The following ABCF1 variants were observed in gnomAD, a reference collection of about 807,000 sequenced individuals.
The protein encoded by ABCF1 is ATP-binding cassette sub-family F member 1.
Under a neutral mutation model 126.3 loss-of-function variants are expected in ABCF1, and 73 were observed. The observed-to-expected ratio is 0.58, with a 90% CI of 0.48 to 0.70. The LOEUF (loss-of-function observed/expected upper bound fraction) is 0.70. ABCF1 is among the 30% of genes least tolerant of loss of function. The pLI is 0.00. For missense variants in ABCF1, 786 were observed against 1,057.5 expected (o/e 0.74, Z 3.56); for synonymous variants, 345 against 396.4 (o/e 0.87, Z 1.54).
chr6:30,588,826 C>G (rs1802289041), intron 20 of ABCF1, among the ~76,000 whole-genome samples: 1 of 152,100 alleles, frequency 6.6e-6, no homozygotes, highest in Non-Finnish European at 1.5e-5. Context: ...ACTAAACTTG[C>G]CACATGAGGC....
chr6:30,589,214 G>T (rs1219911054), intron 20 of ABCF1, among the ~76,000 whole-genome samples: 2 of 151,974 alleles, frequency 1.3e-5, no homozygotes. Context: ...GGCCAGCCTG[G>T]TCTCAAACTC....
intron 20 of ABCF1, among the ~76,000 whole-genome samples, chr6:30,588,256 T>C (rs922375107): frequency 9.2e-5 from 14 of 152,146 alleles, no homozygotes; most frequent in African/African-American, 3.4e-4. Context: ...TCTTTGCAAA[T>C]GTGCATATAA....
chr6:30,586,857 TA>T lies in ABCF1; in HGVS notation c.2031+147del, dbSNP rs1458576048. On this transcript the variant is annotated intron_variant, in intron 20 of 24. Coordinates refer to ENST00000326195, the MANE Select transcript of ABCF1 (RefSeq NM_001025091.2). The surrounding 1 kb of genome is among the most constrained non-coding windows in gnomAD (Gnocchi z 4.9). ...TGATTCATTTCCCTAAGAGGGGCAGTAGAGGAGGAAAGAGCTTAGATCAGTT... is the reference window on the plus strand; with the variant it reads ...TGATTCATTTCCCTAAGAGGGGCAGTGAGGAGGAAAGAGCTTAGATCAGTT... The T allele has an allele frequency of 6.6e-6, 6 of 914,630 alleles. No homozygotes were observed. Among genetic ancestry groups the T allele is most frequent in the Non-Finnish European group, 1.0e-5 (6 of 595,642 alleles). The allele number at this position is 914,630 out of a possible 1,614,324, so 56.7% of individuals were successfully genotyped here. A position where few individuals can be genotyped will look rare whatever the true frequency, so the allele number is the denominator to read the frequency against.
chr6:30,585,198 TG>T, intron 14 of ABCF1, 61 bp from the exon 15 acceptor site: 1 of 1,449,944 alleles, frequency 6.9e-7, no homozygotes, highest in Non-Finnish European at 9.7e-7. Context: ...GAGTTTTCTC[TG>T]GGGTTGTCTG....
intron 9 of ABCF1, 75 bp downstream of exon 9, chr6:30,582,582 C>G (rs1249822433): frequency 6.7e-7 from 1 of 1,500,350 alleles, no homozygotes; most frequent in African/African-American, 1.4e-5. Flanking sequence ...CGATTGGGGA[C>G]ACGAAGGAAA....
At chr6:30,577,382 A>G (rs757837222) in intron 1 of ABCF1, 27 bp from the exon 2 acceptor site, 1 of 1,613,336 alleles carries the variant, frequency 6.2e-7, no homozygotes, top group Non-Finnish European at 8.5e-7. Flanking sequence ...GCAGATAAGC[A>G]TTCACGATGT....
At position 30,585,936 on chromosome 6, in the gene ABCF1, A is replaced by C. The variant is rs895886164; in HGVS notation, c.1658A>C (p.Lys553Thr). Reference sequence around the variant, plus strand: ...AAAGAACTGCTGAAACAGTATGAGAAGCAAGAGAAAAAGCTGAAGGAGCTG... The same window carrying C: ...AAAGAACTGCTGAAACAGTATGAGACGCAAGAGAAAAAGCTGAAGGAGCTG... ...KQKELLKQYE[K>T]QEKKLKELKA... is the part of the protein sequence containing the mutation. The change falls in exon 17 of 25, where the codon AAG becomes ACG. Residue 553 changes from lysine (K) to threonine (T), a missense_variant. Transcript: ENST00000326195. 1 of 1,611,240 alleles carries C rather than the reference A, an allele frequency of 6.2e-7. No homozygotes were observed.
chr6:30,572,800 C>G (rs748156617), intron 1 of ABCF1, among the ~76,000 whole-genome samples: 2 of 152,196 alleles, frequency 1.3e-5, no homozygotes, highest in African/African-American at 4.8e-5. Flanking sequence ...TACATCTGCT[C>G]CCCAGAGTTT....
rs763814425 is a variant in ABCF1 at position 30,586,449 on chromosome 6, A to C, written c.1886-25A>C. On this transcript the variant is annotated intron_variant, in intron 18 of 24. Transcript: ENST00000326195. This position sits in a 1 kb window ranked among gnomAD's most constrained non-coding sequence, Gnocchi z 4.9. ...CTTTGCAGGGACTGAAAAGAATATA[A>C]ATTGCTTCTTTTCGTGGCTTTCAGG... 1 of 1,612,850 alleles carries C rather than the reference A, an allele frequency of 6.2e-7. No homozygotes were observed. The highest frequency in any genetic ancestry group is 1.1e-5 in the South Asian group (1 of 91,056).
At chr6:30,571,592 G>A (rs753457440) in intron 1 of ABCF1, 32 bp downstream of exon 1, 11 of 1,598,220 alleles carry the variant, frequency 6.9e-6, no homozygotes, top group Admixed American at 3.5e-5. Flanking sequence ...GAAACGAGCA[G>A]AGGGGGAAGA....
In ABCF1 at chr6:30,586,823, C is replaced by G. The variant is rs1802161750; in HGVS notation, c.2031+112C>G. On this transcript the variant is annotated intron_variant, in intron 20 of 24. Coordinates refer to ENST00000326195, the MANE Select transcript of ABCF1 (RefSeq NM_001025091.2). This position sits in a 1 kb window ranked among gnomAD's most constrained non-coding sequence, Gnocchi z 4.9. ...AGAATGTAGAGTTAAATACAGAACTCATGATAGATGATTCATTTCCCTAAG... is the reference window on the plus strand; with the variant it reads ...AGAATGTAGAGTTAAATACAGAACTGATGATAGATGATTCATTTCCCTAAG... 1 of 1,161,084 alleles carries G rather than the reference C, an allele frequency of 8.6e-7. No homozygotes were observed. 71.9% of individuals were successfully genotyped at this position (1,161,084 alleles called of 1,614,324 possible).
chr6:30,578,113 A>C lies in ABCF1; in HGVS notation c.254A>C (p.Lys85Thr), dbSNP rs769686782. The stretch of plus-strand genomic sequence containing the variant: ...CGAGATACCCGAAAAGGCAGGCGGA[A>C]GAAGGATGTGGATGATGATGGAGAA... ...KKRDTRKGRR[K>T]KDVDDDGEEK... The change falls in exon 4 of 25, where the codon AAG (lysine) becomes ACG (threonine). Residue 85 changes from lysine (K) to threonine (T), a missense_variant. By Grantham distance (78) the Lys-to-Thr change is moderately conservative. Coordinates refer to ENST00000326195, the MANE Select transcript of ABCF1 (RefSeq NM_001025091.2). The C allele has an allele frequency of 6.2e-7, 1 of 1,614,108 alleles. No individual in the cohort carries two copies. Among genetic ancestry groups the C allele is most frequent in the Non-Finnish European group, 8.5e-7 (1 of 1,180,024 alleles).
chr6:30,585,961 G>A lies in ABCF1; in HGVS notation c.1683G>A (p.Leu561=), dbSNP rs1383453944. 1 of 1,610,786 alleles carries A rather than the reference G, an allele frequency of 6.2e-7. No individual in the cohort carries two copies. Among genetic ancestry groups the A allele is most frequent in the Non-Finnish European group, 8.5e-7 (1 of 1,178,404 alleles). ...AGCAAGAGAAAAAGCTGAAGGAGCT[G>A]AAGGCAGGCGGGAAGTCCACCAAGC... ...YEKQEKKLKE[L]KAGGKSTKQA... is the part of the protein sequence containing the mutation. The change falls in exon 17 of 25, where the codon CTG becomes CTA. Residue 561 remains leucine, a synonymous_variant. Coordinates refer to ENST00000326195, the MANE Select transcript of ABCF1 (RefSeq NM_001025091.2).
chr6:30,590,153 T>A lies in ABCF1; in HGVS notation c.2238T>A (p.Gly746=). 5.0e-6 allele frequency: 8 copies of A among 1,613,022 alleles called. No individual in the cohort carries two copies. Among genetic ancestry groups the A allele is most frequent in the Non-Finnish European group, 6.8e-6 (8 of 1,180,024 alleles). ...HTIQICKLSG[G]QKARVVFAEL... is the part of the protein sequence containing the mutation. ...CCTCCCCTTCCTTTGCTACAGGTGG[T>A]CAGAAGGCGCGAGTTGTGTTTGCTG... The change falls in exon 23 of 25, where the codon GGT becomes GGA. Residue 746 remains glycine, a synonymous_variant. Transcript: ENST00000326195.
In ABCF1 at chr6:30,584,441, T is replaced by C. The variant is rs1802002779; in HGVS notation, c.1266T>C (p.Thr422=). 3.1e-6 allele frequency: 5 copies of C among 1,613,086 alleles called. No individual in the cohort carries two copies. Among genetic ancestry groups the C allele is most frequent in the Non-Finnish European group, 4.2e-6 (5 of 1,180,034 alleles). The part of the protein sequence containing the change: ...LEKVYEELRA[T]GAAAAEAKAR... ...AGGTGTATGAGGAATTGCGGGCCAC[T>C]GGGGCGGCAGCTGCAGAGGCCAAAG... The change falls in exon 14 of 25, where the codon ACT becomes ACC. Residue 422 remains threonine, a synonymous_variant. Coordinates refer to ENST00000326195, the MANE Select transcript of ABCF1 (RefSeq NM_001025091.2). The surrounding 1 kb of genome is among the most constrained non-coding windows in gnomAD (Gnocchi z 4.6).
At chr6:30,572,603 A>G (rs1801309703) in intron 1 of ABCF1, among the ~76,000 whole-genome samples, 1 of 152,132 alleles carries the variant, frequency 6.6e-6, no homozygotes, top group South Asian at 2.1e-4. Context: ...TCCTGGGTTT[A>G]AAGGATCTTC....
Position 30,577,406 on chromosome 6 carries a change from T to C in ABCF1, c.74-3T>C, listed in dbSNP as rs771768615. ...CATTCACGATGTCCGCTTAACTTTC[T>C]AGACAAAGTGGTGAAGAAAGGGAAG... is the stretch of plus-strand genomic sequence containing the variant. On this transcript the variant is annotated splice_region_variant and splice_polypyrimidine_tract_variant and intron_variant, in intron 1 of 24. Coordinates refer to ENST00000326195, the MANE Select transcript of ABCF1 (RefSeq NM_001025091.2). 6 of 1,613,920 alleles carry C rather than the reference T, an allele frequency of 3.7e-6. No homozygotes were observed. Among genetic ancestry groups the C allele is most frequent in the Non-Finnish European group, 3.4e-6 (4 of 1,179,934 alleles).
chr6:30,577,454 C>G lies in ABCF1; in HGVS notation c.119C>G (p.Thr40Arg). 6.2e-7 allele frequency: 1 copy of G among 1,613,346 alleles called. No homozygotes were observed. Among genetic ancestry groups the G allele is most frequent in the Non-Finnish European group, 8.5e-7 (1 of 1,179,698 alleles). ...AAGAAGGACAAGAAGATCAAAAAAA[C>G]GGTGAGAAAATGAGGGTTGAGGATA... ...KGKKDKKIKKTFFEELAVEDK... is the reference protein window; with the variant it reads ...KGKKDKKIKKRFFEELAVEDK... The change falls in exon 2 of 25, where the codon ACG (threonine) becomes AGG (arginine). Residue 40 changes from threonine (T) to arginine (R), a missense_variant and splice_region_variant. Physicochemically the swap from Thr to Arg is moderately conservative, Grantham distance 71. Transcript: ENST00000326195.
chr6:30,585,211 G>A (rs1229229170), intron 14 of ABCF1, 49 bp from the exon 15 acceptor site: 1 of 1,532,718 alleles, frequency 6.5e-7, no homozygotes, highest in East Asian at 2.2e-5. Context: ...GGTTGTCTGA[G>A]CAAGGATCTT....
Sources: allele counts gnomAD v4.1 joint callset (sites outside exome capture counted in the v4.1 genomes callset), GRCh38; gene constraint gnomAD v4.1.1; non-coding constraint Gnocchi (gnomAD v3.1); transcripts MANE v1.5; gene names NCBI Gene and HGNC (gene_info 2026-07-23, HGNC 2026-07-21).